Variants in CSNK2A2 observed in about 807,000 individuals in gnomAD.
CSNK2A2 encodes the protein casein kinase II subunit alpha'.
Under a neutral mutation model 54.0 loss-of-function variants are expected in CSNK2A2, and 8 were observed. The observed-to-expected ratio is 0.15, with a 90% CI of 0.09 to 0.27. CSNK2A2 has a LOEUF of 0.27. Ranked by LOEUF, CSNK2A2 falls within the 10% of genes least tolerant of loss-of-function variation. CSNK2A2 has a pLI of 1.00. For missense variants in CSNK2A2, 242 were observed against 439.4 expected, an observed-to-expected ratio of 0.55 and a Z score of 4.02; for synonymous variants, 141 against 153.9, an observed-to-expected ratio of 0.92 and a Z score of 0.62.
chr16:58,190,540 A>C (rs550311888), intron 2 of CSNK2A2, among the ~76,000 whole-genome samples: 2 of 152,226 alleles, frequency 1.3e-5, no homozygotes, highest in South Asian at 4.1e-4. Flanking sequence ...TTATCTGAGC[A>C]ATGTTATTTC....
In CSNK2A2 at chr16:58,165,950, C is replaced by T. The variant is rs8052679; in HGVS notation, c.828-242G>A. 0.027 allele frequency among the ~76,000 whole-genome samples: 4,181 copies of T among 152,204 alleles called. 194 individuals are homozygous for T. The highest frequency in any genetic ancestry group is 0.095 in the African/African-American group (3,957 of 41,508). On this transcript the variant is annotated intron_variant, in intron 9 of 11. Transcript: ENST00000262506. ...TATATCTCATTTAGAATATGTGGAA[C>T]CTTTCTAGATTATTTTTTATGCTGT...
chr16:58,184,210 A>T, intron 4 of CSNK2A2, 50 bp downstream of exon 4: 2 of 1,420,838 alleles, frequency 1.4e-6, no homozygotes, highest in Non-Finnish European at 2.0e-6. Flanking sequence ...ATTTATCACC[A>T]GCTCCCCCTC....
chr16:58,167,335 C>A (rs1181394934), intron 7 of CSNK2A2, 27 bp from the exon 8 acceptor site: 1 of 1,535,880 alleles, frequency 6.5e-7, no homozygotes, highest in African/African-American at 1.4e-5. Context: ...AACGCATTAG[C>A]CAAGGGTATT....
chr16:58,164,023 G>A, intron 11 of CSNK2A2, 31 bp downstream of exon 11: 1 of 1,552,174 alleles, frequency 6.4e-7, no homozygotes, highest in Non-Finnish European at 8.9e-7. Context: ...TGGTTGGTTG[G>A]TTTTATTGGC....
intron 10 of CSNK2A2, among the ~76,000 whole-genome samples, chr16:58,164,927 C>T (rs375972819): frequency 2.0e-5 from 3 of 152,148 alleles, no homozygotes; most frequent in South Asian, 2.1e-4. Context: ...ATTCAGAAAG[C>T]GACTGAGGTA....
At chr16:58,193,965 CA>C (rs1962374223) in intron 2 of CSNK2A2, among the ~76,000 whole-genome samples, 1 of 152,204 alleles carries the variant, frequency 6.6e-6, no homozygotes, top group Non-Finnish European at 1.5e-5. Context: ...TTTAGCAGCT[CA>C]TTTTTGATCA....
chr16:58,159,091 A>AT (rs577074930), intron 11 of CSNK2A2: 135 of 152,350 alleles, frequency 8.9e-4, no homozygotes, highest in African/African-American at 3.1e-3. Flanking sequence ...GTAGTATTTG[A>AT]TTTGAGAAGG....
chr16:58,196,513 T>G (rs564941615), intron 2 of CSNK2A2, among the ~76,000 whole-genome samples: 38 of 152,110 alleles, frequency 2.5e-4, no homozygotes, highest in Non-Finnish European at 4.7e-4. Flanking sequence ...TCCCAGCTAC[T>G]TGGGAGGCTG....
chr16:58,176,409 T>C (rs1037235581), intron 4 of CSNK2A2, among the ~76,000 whole-genome samples: 5 of 152,168 alleles, frequency 3.3e-5, no homozygotes, highest in Non-Finnish European at 7.4e-5. Context: ...AAGACACCAG[T>C]TGTACACTAG....
intron 1 of CSNK2A2, 24 bp from the exon 2 acceptor site, chr16:58,196,868 A>G: frequency 2.0e-6 from 3 of 1,471,444 alleles, no homozygotes; most frequent in Non-Finnish European, 2.9e-6. Context: ...ACACACACAT[A>G]AATGCCAGGA....
rs143206952 is a variant in CSNK2A2, at chr16:58,196,823, C to T, written c.126G>A (p.Leu42=). The T allele has an allele frequency of 9.7e-5, 156 of 1,611,964 alleles. No homozygotes were observed. The highest frequency in any genetic ancestry group is 3.3e-5 in the Admixed American group (2 of 60,008). ...ATTTTCCCCGACCAAGTTTTCGAAC[C>T]AGTTGGTAATCATCTTGATTACTGT... ...PSWGNQDDYQ[L]VRKLGRGKYS... Residue 42 remains leucine (L), a synonymous_variant, in exon 2 of 12, where the codon CTG becomes CTA. Coordinates refer to ENST00000262506, the MANE Select transcript of CSNK2A2 (RefSeq NM_001896.4).
intron 5 of CSNK2A2, among the ~76,000 whole-genome samples, chr16:58,168,930 CTTT>C (rs879339390): frequency 1.4e-5 from 2 of 142,568 alleles, no homozygotes; most frequent in Admixed American, 1.4e-4. Context: ...AGGAAGATTT[CTTT>C]TTTTTTTTTT....
At chr16:58,195,413 A>G (rs1311536835) in intron 2 of CSNK2A2, among the ~76,000 whole-genome samples, 1 of 152,246 alleles carries the variant, frequency 6.6e-6, no homozygotes, top group African/African-American at 2.4e-5. Flanking sequence ...ACCAGAAAGC[A>G]TAAGCCTGAC....
rs746662494 is a variant in CSNK2A2 at position 58,166,703 on chromosome 16, T to G, written c.727-19A>C. The G allele has an allele frequency of 1.8e-5, 29 of 1,574,538 alleles. No homozygotes were observed. The South Asian group carries it at 3.1e-4, about 17-fold the overall frequency. On this transcript the variant is annotated intron_variant, in intron 8 of 11. Transcript: ENST00000262506. ...GAACAAGCTGAAACACAAAACAAACTGACCAAATCACTGAGCACAGAACAC... is the reference window on the plus strand; with the variant it reads ...GAACAAGCTGAAACACAAAACAAACGGACCAAATCACTGAGCACAGAACAC...
At chr16:58,177,551 C>T (rs1961915020) in intron 4 of CSNK2A2, among the ~76,000 whole-genome samples, 1 of 152,194 alleles carries the variant, frequency 6.6e-6, no homozygotes, top group African/African-American at 2.4e-5. Context: ...ACTCCAAGTG[C>T]AATTCAGCTG....
chr16:58,181,747 TC>T (rs1286447024), intron 4 of CSNK2A2, among the ~76,000 whole-genome samples: 3 of 151,636 alleles, frequency 2.0e-5, no homozygotes, highest in Non-Finnish European at 4.4e-5. Context: ...GGGAGAAAAA[TC>T]AAAGAACATT....
At position 58,197,261 on chromosome 16, in the gene CSNK2A2, T is replaced by TA. The variant is rs1243709619; in HGVS notation, c.104+371dup. 1 of 280,016 alleles carries TA rather than the reference T, an allele frequency of 3.6e-6. No individual in the cohort carries two copies. Among genetic ancestry groups the TA allele is most frequent in the Non-Finnish European group, 6.8e-6 (1 of 146,044 alleles). The allele number at this position is 280,016 out of a possible 1,614,324, so 17.3% of individuals were successfully genotyped here. A position where few individuals can be genotyped will look rare whatever the true frequency, so the allele number is the denominator to read the frequency against. ...TCCCACCACCTCATCTCAGAAAACC[T>TA]AAAAGGCAGGGCATTTTAATAGCTC... On this transcript the variant is annotated intron_variant, in intron 1 of 11. Transcript: ENST00000262506. The surrounding 1 kb of genome is among the most constrained non-coding windows in gnomAD (Gnocchi z 4.0).
At chr16:58,178,867 C>T (rs533534406) in intron 4 of CSNK2A2, among the ~76,000 whole-genome samples, 16 of 152,208 alleles carry the variant, frequency 1.1e-4, no homozygotes, top group African/African-American at 3.4e-4. Context: ...TACAAAGCAA[C>T]CATCAACAAA....
intron 4 of CSNK2A2, among the ~76,000 whole-genome samples, chr16:58,180,418 T>C (rs1035429693): frequency 6.6e-6 from 1 of 151,470 alleles, no homozygotes; most frequent in African/African-American, 2.4e-5. Flanking sequence ...TTTTAAGTCC[T>C]AAGAGAATTC....
Sources: allele counts gnomAD v4.1 joint callset (sites outside exome capture counted in the v4.1 genomes callset), GRCh38; gene constraint gnomAD v4.1.1; non-coding constraint Gnocchi (gnomAD v3.1); transcripts MANE v1.5; gene names NCBI Gene and HGNC (gene_info 2026-07-23, HGNC 2026-07-21).